The following TDRD9 variants were observed in gnomAD, a reference collection of about 807,000 sequenced individuals.
TDRD9 encodes tudor domain containing 9.
TDRD9 carries 124 observed loss-of-function variants against 172.6 expected under a neutral mutation model. That is an observed-to-expected ratio of 0.72 (90% CI 0.62 to 0.83). The LOEUF is 0.83. Ranked by LOEUF, TDRD9 falls within the 40% of genes least tolerant of loss-of-function variation. The pLI is 0.00. For synonymous variants in TDRD9, 619 were observed against 617.1 expected, an observed-to-expected ratio of 1.00 and a Z score of -0.05; for missense variants, 1,479 against 1,714.1, an observed-to-expected ratio of 0.86 and a Z score of 2.42.
At chr14:104,030,380 A>G (rs952461177) in intron 28 of TDRD9, among the ~76,000 whole-genome samples, 4 of 152,072 alleles carry the variant, frequency 2.6e-5, no homozygotes, top group Non-Finnish European at 5.9e-5. Context: ...TAATCATACT[A>G]CTCAGGAGGC....
intron 6 of TDRD9, among the ~76,000 whole-genome samples, chr14:103,974,082 G>A (rs542041951): frequency 1.2e-3 from 178 of 152,296 alleles, no homozygotes; most frequent in Admixed American, 2.3e-3. Context: ...CACACATGTA[G>A]TCCTACCTAC....
chr14:103,976,428 C>T (rs1475846099), intron 7 of TDRD9, among the ~76,000 whole-genome samples: 1 of 152,038 alleles, frequency 6.6e-6, no homozygotes, highest in Non-Finnish European at 1.5e-5. Flanking sequence ...CGTCCGCCAC[C>T]ATGCCTGGCT....
rs575237981 is a variant in TDRD9, at chr14:104,019,706, C to T, written c.2432+1514C>T. Among the ~76,000 whole-genome samples the T allele has an allele frequency of 2.2e-3, 334 of 152,276 alleles. 2 individuals carry two copies. Among genetic ancestry groups the T allele is most frequent in the African/African-American group, 7.7e-3 (319 of 41,560 alleles). On this transcript the variant is annotated intron_variant, in intron 23 of 35. Transcript: ENST00000409874. ...TGTAGACTCTGTGAGGTGCCAAGGGCGCATGGGCAGATGGGCACAGGTGGT... is the reference window on the plus strand; with the variant it reads ...TGTAGACTCTGTGAGGTGCCAAGGGTGCATGGGCAGATGGGCACAGGTGGT...
Position 104,049,663 on chromosome 14 carries a change from C to A in TDRD9, c.4030C>A (p.Pro1344Thr). The change falls in exon 35 of 36, where the codon CCC becomes ACC. Residue 1344 changes from proline to threonine, a missense_variant. By Grantham distance (38) the Pro-to-Thr change is conservative. Coordinates refer to ENST00000409874, the MANE Select transcript of TDRD9 (RefSeq NM_153046.3). ...GATTGTTCCCAAGTGGCATGAAAAG[C>A]CCTACGAGTGGAATCAGGTGAGTGG... Reference protein sequence around the residue: ...EKIVPKWHEKPYEWNQVDPKL... With the variant: ...EKIVPKWHEKTYEWNQVDPKL... 6.3e-7 allele frequency: 1 copy of A among 1,590,328 alleles called. No individual in the cohort carries two copies. Among genetic ancestry groups the A allele is most frequent in the East Asian group, 2.3e-5 (1 of 43,692 alleles).
Position 103,998,653 on chromosome 14 carries a change from G to A in TDRD9, c.1408G>A (p.Val470Ile). The A allele has an allele frequency of 6.2e-7, 1 of 1,610,490 alleles. No homozygotes were observed. Among genetic ancestry groups the A allele is most frequent in the Non-Finnish European group, 8.5e-7 (1 of 1,176,884 alleles). ...AGATTTTTGTTTGACTAGAACTTTG[G>A]TCTGTGATGAAGATACAAATTATCA... ...VIDFCLTRTL[V>I]CDEDTNYQSL... is the part of the protein sequence containing the mutation. Residue 470 changes from valine to isoleucine, a missense_variant, in exon 13 of 36, where the codon GTC becomes ATC. Coordinates refer to ENST00000409874, the MANE Select transcript of TDRD9 (RefSeq NM_153046.3).
chr14:103,938,479 C>T lies in TDRD9; in HGVS notation c.215+9755C>T, dbSNP rs1446995360. Among the ~76,000 whole-genome samples, 13 of 122,754 alleles carry T rather than the reference C, an allele frequency of 1.1e-4. No individual in the cohort carries two copies. In the East Asian group the frequency reaches 2.4e-3, roughly 23 times the overall value. 80.5% of individuals were successfully genotyped at this position (122,754 alleles called of 152,430 possible). Reference sequence around the variant, plus strand: ...TTTGAGATGGTGTCTCGCTCTGTTGCGCAGGCTGGAGTGCAATGGCGTGAT... The same window carrying T: ...TTTGAGATGGTGTCTCGCTCTGTTGTGCAGGCTGGAGTGCAATGGCGTGAT... On this transcript the variant is annotated intron_variant, in intron 1 of 35. Transcript: ENST00000409874.
intron 34 of TDRD9, among the ~76,000 whole-genome samples, chr14:104,043,383 G>A (rs993954567): frequency 6.6e-6 from 1 of 151,940 alleles, no homozygotes; most frequent in Non-Finnish European, 1.5e-5. Flanking sequence ...TGGGATTACA[G>A]GCACCCACCA....
chr14:104,041,638 C>G (rs2035614470), intron 33 of TDRD9, among the ~76,000 whole-genome samples: 1 of 152,180 alleles, frequency 6.6e-6, no homozygotes, highest in Non-Finnish European at 1.5e-5. Context: ...CATGAGATAG[C>G]ACCACCTACT....
chr14:104,029,269 G>A (rs2035212759), intron 28 of TDRD9, among the ~76,000 whole-genome samples: 1 of 152,024 alleles, frequency 6.6e-6, no homozygotes, highest in African/African-American at 2.4e-5. Flanking sequence ...AGCTCGCTTT[G>A]GATAGTATGG....
At chr14:103,996,401 A>G (rs1421739724) in intron 12 of TDRD9, among the ~76,000 whole-genome samples, 1 of 152,176 alleles carries the variant, frequency 6.6e-6, no homozygotes, top group Non-Finnish European at 1.5e-5. Context: ...AGCAGGTAAA[A>G]AGGTTTTATA....
intron 34 of TDRD9, 77 bp downstream of exon 34, chr14:104,042,264 T>A: frequency 1.0e-6 from 1 of 983,178 alleles, no homozygotes; most frequent in Non-Finnish European, 1.6e-6. Flanking sequence ...CTGTTTTGAA[T>A]TGTGTAGGCA....
At position 104,025,664 on chromosome 14, in the gene TDRD9, C is replaced by T. The variant is rs759795522; in HGVS notation, c.2819C>T (p.Pro940Leu). 16 of 1,613,952 alleles carry T rather than the reference C, an allele frequency of 9.9e-6. No individual in the cohort carries two copies. In the South Asian group the frequency reaches 1.8e-4, roughly 18 times the overall value. ...TAEINQLTLV[P>L]LPTHPHPDLV... ...GAAATCAACCAACTGACGCTGGTGC[C>T]CTTGCCCACTCACCCACATCCAGAC... Residue 940 changes from proline to leucine, a missense_variant, in exon 26 of 36, where the codon CCC becomes CTC. Around this residue, in one of 3 missense-constraint regions of TDRD9, gnomAD observed 1,413 missense variants for 1,649.1 expected, o/e 0.86. Transcript: ENST00000409874.
chr14:103,966,669 T>C (rs2032762313), intron 4 of TDRD9, 40 bp from the exon 5 acceptor site: 1 of 1,477,142 alleles, frequency 6.8e-7, no homozygotes, highest in East Asian at 2.5e-5. Context: ...TAACTTTTTT[T>C]TTCTCTTTTT....
chr14:104,016,161 A>G (rs1015944384), intron 22 of TDRD9, 73 bp downstream of exon 22: 43 of 1,074,594 alleles, frequency 4.0e-5, no homozygotes, highest in Middle Eastern at 2.2e-4. Context: ...AATTGTTTCT[A>G]TTCTTGTGAG....
intron 6 of TDRD9, among the ~76,000 whole-genome samples, chr14:103,971,238 C>T (rs1238123370): frequency 6.6e-6 from 1 of 152,086 alleles, no homozygotes; most frequent in Non-Finnish European, 1.5e-5. Context: ...CCGCCTTGGC[C>T]TCCCAAATTG....
chr14:103,996,494 G>A (rs1409180549), intron 12 of TDRD9, among the ~76,000 whole-genome samples: 2 of 152,160 alleles, frequency 1.3e-5, no homozygotes, highest in Non-Finnish European at 2.9e-5. Flanking sequence ...CTTTCAGATA[G>A]GATCTTTCAG....
rs922992042 is a variant in TDRD9 at position 103,980,948 on chromosome 14, G to A, written c.1012-5269G>A. Among the ~76,000 whole-genome samples the A allele has an allele frequency of 4.6e-5, 7 of 152,128 alleles. No individual in the cohort carries two copies. The East Asian group carries it at 1.4e-3, about 29-fold the overall frequency. On this transcript the variant is annotated intron_variant, in intron 7 of 35. Coordinates refer to ENST00000409874, the MANE Select transcript of TDRD9 (RefSeq NM_153046.3). The surrounding 1 kb of genome is among the most constrained non-coding windows in gnomAD (Gnocchi z 4.5). ...TTTTCCTAGGTTATGATTGTAGAGC[G>A]AGAATTATTATAATATTGGAATAAA... is the stretch of plus-strand genomic sequence containing the variant.
intron 8 of TDRD9, among the ~76,000 whole-genome samples, chr14:103,988,251 G>A (rs1464531080): frequency 1.3e-5 from 2 of 151,746 alleles, no homozygotes; most frequent in Non-Finnish European, 2.9e-5. Flanking sequence ...TCAGCTCACT[G>A]CAACCTCTGC....
intron 32 of TDRD9, 24 bp downstream of exon 32, chr14:104,035,080 A>G (rs770533782): frequency 1.3e-5 from 20 of 1,536,850 alleles, no homozygotes; most frequent in Admixed American, 1.2e-4. Context: ...TCTTGTCTAT[A>G]GGCTTTGTAA....
Sources: gnomAD v4.1 joint callset for allele counts (sites outside exome capture counted in the v4.1 genomes callset) on GRCh38, gnomAD v4.1.1 for gene constraint, gnomAD v4.1.1 regional missense constraint, Gnocchi (gnomAD v3.1) non-coding constraint, MANE v1.5 for transcripts, NCBI Gene and HGNC (gene_info 2026-07-23, HGNC 2026-07-21) for gene names.